The following SLC24A2 variants were observed in gnomAD, a reference collection of about 807,000 sequenced individuals.
SLC24A2 encodes the protein sodium/potassium/calcium exchanger 2.
SLC24A2 carries 36 observed loss-of-function variants against 62.0 expected under a neutral mutation model. The ratio of observed to expected loss-of-function variants is 0.58; its 90% CI spans 0.44 to 0.77. SLC24A2 has a LOEUF of 0.77. Ranked by LOEUF, SLC24A2 falls within the 30% of genes least tolerant of loss-of-function variation. The probability of loss-of-function intolerance (pLI) is 0.00; values close to 1 mark genes in which losing one functional copy is unlikely to be tolerated. For missense variants in SLC24A2, 846 were observed against 817.9 expected (o/e 1.03, Z -0.42); for synonymous variants, 358 against 294.0 (o/e 1.22, Z -2.23).
At chr9:20,285,986 TA>T in the SLC24A2 span, among the ~76,000 whole-genome samples, 1 of 152,210 alleles carries the variant, frequency 6.6e-6, no homozygotes, top group Non-Finnish European at 1.5e-5. Context: ...TTCTGTTGTT[TA>T]AGACACCCAG....
At chr9:19,951,165 T>G in the SLC24A2 span, among the ~76,000 whole-genome samples, 1 of 152,126 alleles carries the variant, frequency 6.6e-6, no homozygotes, top group Admixed American at 6.6e-5. Context: ...CATAGAACTT[T>G]TGGGGAAGTG....
At chr9:20,013,121 G>A in the SLC24A2 span, among the ~76,000 whole-genome samples, 2 of 152,164 alleles carry the variant, frequency 1.3e-5, no homozygotes, top group African/African-American at 4.8e-5. Flanking sequence ...AAAGAACAAA[G>A]CTGAAGGCAT....
At chr9:19,973,915 G>C in the SLC24A2 span, among the ~76,000 whole-genome samples, 1 of 152,062 alleles carries the variant, frequency 6.6e-6, no homozygotes, top group African/African-American at 2.4e-5. Flanking sequence ...TGCATGTTTT[G>C]TTTCCCTATA....
At chr9:19,750,667 A>G (rs1426806103) in intron 2 of SLC24A2, among the ~76,000 whole-genome samples, 3 of 152,108 alleles carry the variant, frequency 2.0e-5, no homozygotes, top group African/African-American at 7.2e-5. Context: ...TCTATTTCTA[A>G]AGTACCTCAG....
intron 2 of SLC24A2, among the ~76,000 whole-genome samples, chr9:19,654,371 G>C (rs1055790006): frequency 6.6e-6 from 1 of 152,110 alleles, no homozygotes; most frequent in Admixed American, 6.6e-5. Flanking sequence ...GGAAGCTAAG[G>C]GTTCCTAAAC....
intron 7 of SLC24A2, among the ~76,000 whole-genome samples, chr9:19,563,255 T>C (rs1835492251): frequency 6.6e-6 from 1 of 152,116 alleles, no homozygotes; most frequent in African/African-American, 2.4e-5. Flanking sequence ...CACCAATGCC[T>C]CTACTTCTTG....
the SLC24A2 span, among the ~76,000 whole-genome samples, chr9:19,898,183 C>T: frequency 3.3e-5 from 5 of 152,128 alleles, no homozygotes; most frequent in African/African-American, 1.2e-4. Flanking sequence ...GTCTAGCTGC[C>T]CCCTGGGATT....
At chr9:19,844,731 C>T in the SLC24A2 span, among the ~76,000 whole-genome samples, 2 of 152,198 alleles carry the variant, frequency 1.3e-5, no homozygotes, top group Non-Finnish European at 2.9e-5. Flanking sequence ...CATTCTTCTG[C>T]GTAAGGCTAA....
intron 2 of SLC24A2, among the ~76,000 whole-genome samples, chr9:19,636,327 C>CTT (rs1564009807): frequency 4.8e-5 from 1 of 20,738 alleles, no homozygotes. Flanking sequence ...TTCTTTCTTT[C>CTT]TTTCTTTCTT....
At chr9:19,883,711 G>A in the SLC24A2 span, among the ~76,000 whole-genome samples, 6 of 152,052 alleles carry the variant, frequency 3.9e-5, no homozygotes, top group South Asian at 6.2e-4. Flanking sequence ...GACTACAGGT[G>A]CCCGCCACCA....
the SLC24A2 span, among the ~76,000 whole-genome samples, chr9:20,033,388 G>A: frequency 6.6e-6 from 1 of 152,192 alleles, no homozygotes. Flanking sequence ...TAATAGGGAT[G>A]TAATACCTAA....
the SLC24A2 span, among the ~76,000 whole-genome samples, chr9:19,831,495 A>G: frequency 6.6e-6 from 1 of 152,254 alleles, no homozygotes; most frequent in Admixed American, 6.5e-5. Flanking sequence ...GAAAAAAATA[A>G]GCATGCATTT....
chr9:19,852,030 G>A, the SLC24A2 span, among the ~76,000 whole-genome samples: 258 of 152,224 alleles, frequency 1.7e-3, no homozygotes, highest in African/African-American at 5.9e-3. Context: ...ATTCTGGCTG[G>A]CATAAGATAG....
chr9:19,776,520 G>T (rs1035711320), intron 2 of SLC24A2, among the ~76,000 whole-genome samples: 1 of 152,164 alleles, frequency 6.6e-6, no homozygotes, highest in African/African-American at 2.4e-5. Context: ...ACATGCAGCT[G>T]CCCAGGATAG....
chr9:19,932,043 T>C, the SLC24A2 span, among the ~76,000 whole-genome samples: 1 of 152,162 alleles, frequency 6.6e-6, no homozygotes, highest in African/African-American at 2.4e-5. Context: ...ACAGCTGAAA[T>C]TTCTCATGTA....
chr9:19,567,544 CAAAAAAA>C (rs747824353), intron 7 of SLC24A2, among the ~76,000 whole-genome samples: 1 of 38,416 alleles, frequency 2.6e-5, no homozygotes, highest in African/African-American at 7.0e-5. Flanking sequence ...GACTCCATCT[CAAAAAAA>C]AAAAAAAAAA....
intron 2 of SLC24A2, among the ~76,000 whole-genome samples, chr9:19,626,019 CTTAT>C (rs1199511998): frequency 1.3e-5 from 2 of 152,104 alleles, no homozygotes; most frequent in Non-Finnish European, 2.9e-5. Context: ...AATTTTGCTA[CTTAT>C]TTGATAGGTG....
the SLC24A2 span, among the ~76,000 whole-genome samples, chr9:20,049,967 T>A: frequency 1.3e-5 from 2 of 152,066 alleles, no homozygotes; most frequent in Admixed American, 6.5e-5. Context: ...GTGTGCCACA[T>A]TGGTTAAACC....
chr9:19,706,742 A>G (rs1436832571), intron 2 of SLC24A2, among the ~76,000 whole-genome samples: 1 of 152,196 alleles, frequency 6.6e-6, no homozygotes, highest in Non-Finnish European at 1.5e-5. Flanking sequence ...AACCTCTGGG[A>G]CACATTCAAA....
Sources: gnomAD v4.1 joint callset for allele counts (sites outside exome capture counted in the v4.1 genomes callset) on GRCh38, gnomAD v4.1.1 for gene constraint, MANE v1.5 for transcripts, NCBI Gene and HGNC (gene_info 2026-07-23, HGNC 2026-07-21) for gene names.